The following MAN2B2 variants were observed in gnomAD, a reference collection of about 807,000 sequenced individuals.
The protein encoded by MAN2B2 is mannosidase alpha class 2B member 2.
A neutral mutation model predicts 117.1 loss-of-function variants in MAN2B2; 106 were observed. The ratio of observed to expected loss-of-function variants is 0.90; its 90% CI spans 0.77 to 1.06. The LOEUF is 1.06. Among genes scored for constraint, MAN2B2 ranks in the 50% least tolerant of loss-of-function variants. The pLI, the probability that MAN2B2 is intolerant of heterozygous loss-of-function variation, is 0.00. For synonymous variants in MAN2B2, 544 were observed against 595.1 expected (o/e 0.91, Z 1.25); for missense variants, 1,326 against 1,381.4 (o/e 0.96, Z 0.64).
chr4:6,613,712 G>A (rs76617116), intron 15 of MAN2B2, among the ~76,000 whole-genome samples: 1,712 of 140,790 alleles, frequency 0.012, 35 homozygotes, highest in African/African-American at 0.04. Flanking sequence ...AAGTGAGGGA[G>A]GGAGGGGAAG....
intron 11 of MAN2B2, among the ~76,000 whole-genome samples, chr4:6,606,091 G>A (rs1375177347): frequency 6.6e-6 from 1 of 152,216 alleles, no homozygotes; most frequent in Non-Finnish European, 1.5e-5. Flanking sequence ...GTCTCCTGAT[G>A]TGACCTTCTA....
intron 11 of MAN2B2, 144 bp from the exon 12 acceptor site, chr4:6,608,963 G>A (rs1156974199): frequency 2.9e-6 from 2 of 679,386 alleles, no homozygotes; most frequent in East Asian, 5.6e-5. Context: ...GGGGTCTCAG[G>A]GCTTCTAGAT....
chr4:6,605,477 T>C, intron 11 of MAN2B2, 148 bp downstream of exon 11: 1 of 948,322 alleles, frequency 1.1e-6, no homozygotes, highest in African/African-American at 1.7e-5. Flanking sequence ...GATCTTTAAT[T>C]TTAGAAGTGT....
At chr4:6,598,456 A>C (rs1727197134) in intron 9 of MAN2B2, 102 bp downstream of exon 9, 1 of 1,274,616 alleles carries the variant, frequency 7.8e-7, no homozygotes, top group African/African-American at 1.5e-5. Flanking sequence ...CTCTGAGTCC[A>C]CATCACCCAT....
intron 11 of MAN2B2, among the ~76,000 whole-genome samples, chr4:6,607,873 T>C (rs955836738): frequency 1.3e-5 from 2 of 152,234 alleles, no homozygotes; most frequent in Admixed American, 6.5e-5. Flanking sequence ...TTCTGATTTC[T>C]TCACATCCTC....
chr4:6,609,937 G>A lies in MAN2B2; in HGVS notation c.2146G>A (p.Val716Ile). Residue 716 changes from valine (V) to isoleucine (I), a missense_variant, in exon 13 of 19, where the codon GTC becomes ATC. Physicochemically the swap from Val to Ile is conservative, Grantham distance 29 (BLOSUM62 3). Coordinates refer to ENST00000285599, the MANE Select transcript of MAN2B2 (RefSeq NM_015274.3). Reference sequence around the variant, plus strand: ...CCCCCTGGAGCTGAACCGTGAGGCTGTCCTGAGGACCAGCACCAACCTAAA... The same window carrying A: ...CCCCCTGGAGCTGAACCGTGAGGCTATCCTGAGGACCAGCACCAACCTAAA... ...AGPLELNREA[V>I]LRTSTNLNSQ... The A allele has an allele frequency of 6.2e-7, 1 of 1,614,168 alleles. No individual in the cohort carries two copies. Among genetic ancestry groups the A allele is most frequent in the Non-Finnish European group, 8.5e-7 (1 of 1,180,028 alleles).
Position 6,611,103 on chromosome 4 carries a change from G to C in MAN2B2, c.2388G>C (p.Arg796=). The C allele has an allele frequency of 6.2e-7, 1 of 1,613,460 alleles. No homozygotes were observed. The highest frequency in any genetic ancestry group is 8.5e-7 in the Non-Finnish European group (1 of 1,179,644). The change falls in exon 15 of 19, where the codon CGG becomes CGC. Residue 796 remains arginine, a synonymous_variant. Transcript: ENST00000285599. The stretch of plus-strand genomic sequence containing the variant: ...TCCCGCAGGTCATGCTCCACCGGCG[G>C]CTGTGGAACAACTTCGACTGGGACC... ...NGQVEVMLHR[R]LWNNFDWDLG...
chr4:6,580,282 C>G (rs558427669), intron 3 of MAN2B2, among the ~76,000 whole-genome samples: 18 of 152,308 alleles, frequency 1.2e-4, no homozygotes, highest in African/African-American at 4.1e-4. Flanking sequence ...CCCCCTGCAT[C>G]CCCACAGGCC....
chr4:6,611,099 G>A lies in MAN2B2; in HGVS notation c.2384G>A (p.Arg795Gln), dbSNP rs373260550. 82 of 1,613,138 alleles carry A rather than the reference G, an allele frequency of 5.1e-5. 1 individual carries two copies. The highest frequency in any genetic ancestry group is 3.5e-4 in the South Asian group (32 of 91,042). ...GNGQVEVMLH[R>Q]RLWNNFDWDL... ...GCCTTCCCGCAGGTCATGCTCCACC[G>A]GCGGCTGTGGAACAACTTCGACTGG... The change falls in exon 15 of 19, where the codon CGG (arginine) becomes CAG (glutamine). Residue 795 changes from arginine (R) to glutamine (Q), a missense_variant. Arg to Gln is a conservative substitution (Grantham distance 43). Coordinates refer to ENST00000285599, the MANE Select transcript of MAN2B2 (RefSeq NM_015274.3).
chr4:6,579,881 T>C (rs11727706), intron 3 of MAN2B2, among the ~76,000 whole-genome samples: 40,901 of 152,198 alleles, frequency 0.27, 6,674 homozygotes, highest in East Asian at 0.52. Flanking sequence ...GGCGGGCTGA[T>C]GGTGAGGCAT....
At chr4:6,587,301 G>A in intron 4 of MAN2B2, 133 bp downstream of exon 4, 3 of 1,112,586 alleles carry the variant, frequency 2.7e-6, no homozygotes, top group Non-Finnish European at 3.7e-6. Context: ...AGACCGCGGG[G>A]CTGTCCCCTA....
rs142011344 is a variant in MAN2B2, at chr4:6,590,125, G to T, written c.680+965G>T. Among the ~76,000 whole-genome samples the T allele has an allele frequency of 6.5e-3, 985 of 151,548 alleles. 12 individuals are homozygous for T. Among genetic ancestry groups the T allele is most frequent in the African/African-American group, 0.022 (928 of 41,258 alleles). On this transcript the variant is annotated intron_variant, in intron 5 of 18. Coordinates refer to ENST00000285599, the MANE Select transcript of MAN2B2 (RefSeq NM_015274.3). The stretch of plus-strand genomic sequence containing the variant: ...AGTAGCTCATGCCTGTAATCCCAGC[G>T]CTTTGGGAAGCCAAGGCAGGTGGAT...
At chr4:6,584,824 A>G (rs1046519029) in intron 3 of MAN2B2, among the ~76,000 whole-genome samples, 5 of 152,202 alleles carry the variant, frequency 3.3e-5, no homozygotes, top group Non-Finnish European at 5.9e-5. Context: ...CATTTGGCTT[A>G]GATCAACTGT....
At chr4:6,576,357 G>A (rs116668756) in intron 1 of MAN2B2, among the ~76,000 whole-genome samples, 14 of 152,158 alleles carry the variant, frequency 9.2e-5, no homozygotes, top group African/African-American at 3.1e-4. Flanking sequence ...GCCCATGTAG[G>A]GTGTCTGTTT....
chr4:6,579,105 CCACCAT>C (rs1412895662), intron 3 of MAN2B2, among the ~76,000 whole-genome samples: 19 of 67,158 alleles, frequency 2.8e-4, no homozygotes, highest in Non-Finnish European at 5.3e-4. Flanking sequence ...ACCAGCACCA[CCACCAT>C]CACCATCACC....
chr4:6,600,485 C>A, intron 9 of MAN2B2, 138 bp from the exon 10 acceptor site: 1 of 1,010,450 alleles, frequency 9.9e-7, no homozygotes. Flanking sequence ...GGCCTGCCCC[C>A]TTCCTGGCTC....
At chr4:6,586,268 C>T (rs952505419) in intron 3 of MAN2B2, among the ~76,000 whole-genome samples, 2 of 151,494 alleles carry the variant, frequency 1.3e-5, no homozygotes, top group African/African-American at 4.9e-5. Flanking sequence ...ACTATATTGC[C>T]CAGGCTGGTC....
chr4:6,598,373 G>A lies in MAN2B2; in HGVS notation c.1405+19G>A, dbSNP rs1311361972. 6 of 1,604,102 alleles carry A rather than the reference G, an allele frequency of 3.7e-6. No homozygotes were observed. The highest frequency in any genetic ancestry group is 1.7e-5 in the Admixed American group (1 of 59,698). ...AGCTCCGGTGAGCAGGGCCCTGCAG[G>A]GAGGCTGTGGCCCCTTTATGAAGGG... On this transcript the variant is annotated intron_variant, in intron 9 of 18. Coordinates refer to ENST00000285599, the MANE Select transcript of MAN2B2 (RefSeq NM_015274.3).
In MAN2B2 at chr4:6,579,082, C is replaced by T. The variant is rs1577269300; in HGVS notation, c.391+584C>T. Reference sequence around the variant, plus strand: ...CCACCATCACCATCACCACCACCACCACCATCACCATCACCAGCACCACCA... The same window carrying T: ...CCACCATCACCATCACCACCACCACTACCATCACCATCACCAGCACCACCA... On this transcript the variant is annotated intron_variant, in intron 3 of 18. Coordinates refer to ENST00000285599, the MANE Select transcript of MAN2B2 (RefSeq NM_015274.3). Among the ~76,000 whole-genome samples, 3 of 88,404 alleles carry T rather than the reference C, an allele frequency of 3.4e-5. No homozygotes were observed. The South Asian group carries it at 1.2e-3, about 34-fold the overall frequency. 58.0% of individuals were successfully genotyped at this position (88,404 alleles called of 152,430 possible).
Sources: gnomAD v4.1 joint callset for allele counts (sites outside exome capture counted in the v4.1 genomes callset) on GRCh38, gnomAD v4.1.1 for gene constraint, MANE v1.5 for transcripts, NCBI Gene and HGNC (gene_info 2026-07-23, HGNC 2026-07-21) for gene names.